RIF1: variants seen among roughly 807,000 people sequenced by gnomAD.
The protein encoded by RIF1 is replication timing regulatory factor 1.
A neutral mutation model predicts 247.1 loss-of-function variants in RIF1; 45 were observed. That is an observed-to-expected ratio of 0.18 (90% CI 0.14 to 0.23). The LOEUF (loss-of-function observed/expected upper bound fraction) is 0.23, where lower values mean the gene tolerates loss of function less well. Among genes scored for constraint, RIF1 ranks in the 10% least tolerant of loss-of-function variants. The pLI is 1.00. For missense variants in RIF1, 2,967 were observed against 2,862.5 expected (o/e 1.04, Z -0.83); for synonymous variants, 1,087 against 978.8 (o/e 1.11, Z -2.06).
chr2:151,527,221 C>A, the RIF1 span, among the ~76,000 whole-genome samples: 1 of 152,086 alleles, frequency 6.6e-6, no homozygotes, highest in African/African-American at 2.4e-5. Flanking sequence ...GCCCCTCCAT[C>A]CCCAGTCTTC....
chr2:151,499,887 G>A (rs1429987991), intron 11 of RIF1, among the ~76,000 whole-genome samples: 2 of 152,132 alleles, frequency 1.3e-5, no homozygotes, highest in Non-Finnish European at 2.9e-5. Context: ...ATTTTCCACA[G>A]TATCTAATAG....
Position 151,458,853 on chromosome 2 carries a change from G to A in RIF1, c.2898G>A (p.Leu966=). 6.2e-7 allele frequency: 1 copy of A among 1,613,156 alleles called. No individual in the cohort carries two copies. The highest frequency in any genetic ancestry group is 8.5e-7 in the Non-Finnish European group (1 of 1,179,498). ...CCAAACAAAAATTTCTGCTCCTGTT[G>A]CCTGGTTTGGAAACTGTTGAAATGA... The part of the protein sequence containing the change: ...TQAKQKFLLL[L]PGLETVEMME... The change falls in exon 25 of 36, where the codon TTG becomes TTA. Residue 966 remains leucine (L), a synonymous_variant. Coordinates refer to ENST00000444746, the MANE Select transcript of RIF1 (RefSeq NM_018151.5).
At chr2:151,456,972 G>T (rs1338263289) in intron 23 of RIF1, among the ~76,000 whole-genome samples, 1 of 152,104 alleles carries the variant, frequency 6.6e-6, no homozygotes, top group Non-Finnish European at 1.5e-5. Context: ...GACCTCAAGT[G>T]ATTCGCCTGC....
intron 20 of RIF1, among the ~76,000 whole-genome samples, chr2:151,448,004 T>C (rs551028425): frequency 6.6e-6 from 1 of 152,284 alleles, no homozygotes; most frequent in South Asian, 2.1e-4. Flanking sequence ...AACACATATT[T>C]TAATGAGGAA....
At chr2:151,411,205 G>C (rs1686139251) in intron 2 of RIF1, 55 bp from the exon 3 acceptor site, 2 of 1,023,646 alleles carry the variant, frequency 2.0e-6, no homozygotes, top group Non-Finnish European at 3.0e-6. Flanking sequence ...ATTTTTGAGA[G>C]TATTTTTTTT....
In RIF1 at chr2:151,456,603, A is replaced by C. The variant is rs1695233601; in HGVS notation, c.2635A>C (p.Ser879Arg). Residue 879 changes from serine (S) to arginine (R), a missense_variant, in exon 23 of 36, where the codon AGT (serine) becomes CGT (arginine). This residue lies in a region of RIF1 where 2,028 missense variants were observed against 1,825.6 expected (regional missense o/e 1.11). Transcript: ENST00000444746. ...GCTTGATGAAGTTCCTAAAGTATATAGTTGTCTGAACAACAAGGTAAAAAT... is the reference window on the plus strand; with the variant it reads ...GCTTGATGAAGTTCCTAAAGTATATCGTTGTCTGAACAACAAGGTAAAAAT... ...SKLDEVPKVYSCLNNKLEKLL... is the reference protein window; with the variant it reads ...SKLDEVPKVYRCLNNKLEKLL... 6.6e-7 allele frequency: 1 copy of C among 1,521,286 alleles called. No homozygotes were observed. The allele number at this position is 1,521,286 out of a possible 1,614,324, so 94.2% of individuals were successfully genotyped here.
chr2:151,422,238 C>T (rs982893845), intron 7 of RIF1, among the ~76,000 whole-genome samples: 1 of 151,774 alleles, frequency 6.6e-6, no homozygotes, highest in Admixed American at 6.6e-5. Context: ...GATTATGAAG[C>T]TATTAATGTA....
intron 10 of RIF1, chr2:151,497,569 C>T: frequency 6.5e-7 from 1 of 1,534,922 alleles, no homozygotes; most frequent in Non-Finnish European, 8.8e-7. Context: ...TATTTTAAAT[C>T]ATGAAAGTTT....
the RIF1 span, chr2:151,529,231 G>A: frequency 1.7e-5 from 28 of 1,612,422 alleles, no homozygotes; most frequent in South Asian, 1.9e-4. Context: ...CTTTGTAGGC[G>A]TCCTTGGCTG....
chr2:151,462,036 G>T (rs917086921), intron 27 of RIF1, among the ~76,000 whole-genome samples: 11 of 152,078 alleles, frequency 7.2e-5, no homozygotes, highest in Non-Finnish European at 1.3e-4. Flanking sequence ...ACCATGCCCA[G>T]CTAATTTTTT....
chr2:151,462,670 T>C (rs1696370877), intron 29 of RIF1, among the ~76,000 whole-genome samples: 1 of 152,116 alleles, frequency 6.6e-6, no homozygotes, highest in Non-Finnish European at 1.5e-5. Context: ...TGTGTGTGTA[T>C]AAAATAAATG....
Position 151,481,498 on chromosome 2 carries a change from C to A in RIF1, c.*6427C>A, listed in dbSNP as rs1330284551. ...AGATAGACCTGACTGATAGCACTTA[C>A]AAAAAGACTGATAGATGCCAAATCA... On this transcript the variant is annotated 3_prime_UTR_variant, in exon 36 of 36. Transcript: ENST00000444746. 6.6e-6 allele frequency: 1 copy of A among 152,164 alleles called. No individual in the cohort carries two copies. The highest frequency in any genetic ancestry group is 1.5e-5 in the Non-Finnish European group (1 of 68,026). 9.4% of individuals were successfully genotyped at this position (152,164 alleles called of 1,614,324 possible).
intron 26 of RIF1, 42 bp from the exon 27 acceptor site, chr2:151,461,096 G>T: frequency 6.4e-7 from 1 of 1,558,644 alleles, no homozygotes; most frequent in Non-Finnish European, 8.7e-7. Context: ...AAAATAATTT[G>T]GAAGCTAAAA....
chr2:151,532,075 T>C, the RIF1 span: 1 of 551,756 alleles, frequency 1.8e-6, no homozygotes, highest in African/African-American at 1.9e-5. Context: ...AGTGAGCAGA[T>C]GATACTACTA....
At chr2:151,460,529 T>TA (rs1695972149) in intron 26 of RIF1, among the ~76,000 whole-genome samples, 1 of 15,956 alleles carries the variant, frequency 6.3e-5, no homozygotes, top group African/African-American at 1.4e-4. Context: ...CCTATGTTCT[T>TA]ATCAACTAGC....
intron 6 of RIF1, among the ~76,000 whole-genome samples, chr2:151,419,487 AGCTAATTGTTG>A (rs1308819252): frequency 6.6e-6 from 1 of 151,824 alleles, no homozygotes; most frequent in African/African-American, 2.4e-5. Context: ...CACCACACCC[AGCTAATTGTTG>A]TATTTTTAGA....
intron 2 of RIF1, 144 bp downstream of exon 2, chr2:151,410,671 G>A: frequency 1.5e-6 from 1 of 682,738 alleles, no homozygotes; most frequent in East Asian, 2.7e-5. Flanking sequence ...CGCCTTGGGG[G>A]GCGGGGGAGA....
At chr2:151,461,670 G>T (rs1696192428) in intron 27 of RIF1, among the ~76,000 whole-genome samples, 1 of 152,084 alleles carries the variant, frequency 6.6e-6, no homozygotes, top group African/African-American at 2.4e-5. Flanking sequence ...GGGATTACAG[G>T]TGTGAGCCAC....
At position 151,477,190 on chromosome 2, in the gene RIF1, A is replaced by C. The variant is rs181130012; in HGVS notation, c.*2119A>C. 2.2e-4 allele frequency: 33 copies of C among 152,336 alleles called. No individual in the cohort carries two copies. Among genetic ancestry groups the C allele is most frequent in the African/African-American group, 7.9e-4 (33 of 41,586 alleles). The allele number at this position is 152,336 out of a possible 1,614,324, so 9.4% of individuals were successfully genotyped here. A position where few individuals can be genotyped will look rare whatever the true frequency, so the allele number is the denominator to read the frequency against. On this transcript the variant is annotated 3_prime_UTR_variant, in exon 36 of 36. Transcript: ENST00000444746. The stretch of plus-strand genomic sequence containing the variant: ...CTTATTTGCAATATTCTTGCCTTAA[A>C]GTTTCCTGCAAATTTCCCCCTTAGT...
Sources: allele counts gnomAD v4.1 joint callset (sites outside exome capture counted in the v4.1 genomes callset), GRCh38; gene constraint gnomAD v4.1.1; regional missense constraint gnomAD v4.1.1; transcripts MANE v1.5; gene names NCBI Gene and HGNC (gene_info 2026-07-23, HGNC 2026-07-21).